Variants in MYO3A observed in about 807,000 individuals in gnomAD.
The protein encoded by MYO3A is myosin-IIIa.
MYO3A carries 180 observed loss-of-function variants against 192.7 expected under a neutral mutation model. The observed-to-expected ratio is 0.93, with a 90% CI of 0.83 to 1.06. MYO3A has a LOEUF of 1.06. MYO3A is among the 50% of genes least tolerant of loss of function. The pLI, the probability that MYO3A is intolerant of heterozygous loss-of-function variation, is 0.00. For synonymous variants in MYO3A, 628 were observed against 645.3 expected (o/e 0.97, Z 0.41); for missense variants, 1,896 against 1,905.0 (o/e 1.00, Z 0.09).
At chr10:25,939,727 CATATCCATTAA>C (rs1836351194) in intron 2 of MYO3A, among the ~76,000 whole-genome samples, 1 of 151,804 alleles carries the variant, frequency 6.6e-6, no homozygotes, top group Non-Finnish European at 1.5e-5. Context: ...TGTATTCTGG[CATATCCATTAA>C]ATTCTCCTTG....
intron 15 of MYO3A, among the ~76,000 whole-genome samples, chr10:26,092,125 A>G (rs1240519964): frequency 6.6e-6 from 1 of 152,240 alleles, no homozygotes; most frequent in Non-Finnish European, 1.5e-5. Context: ...GTGATTAAAA[A>G]GGAAAAACTG....
chr10:25,995,908 C>T (rs919613941), intron 4 of MYO3A, among the ~76,000 whole-genome samples: 5 of 152,212 alleles, frequency 3.3e-5, no homozygotes, highest in Non-Finnish European at 7.3e-5. Flanking sequence ...TGTCAGTCTG[C>T]CCCTACTGGG....
At position 26,026,420 on chromosome 10, in the gene MYO3A, C is replaced by A; in HGVS notation, c.841C>A (p.Leu281Ile). 1 of 1,614,110 alleles carries A rather than the reference C, an allele frequency of 6.2e-7. No individual in the cohort carries two copies. Among genetic ancestry groups the A allele is most frequent in the African/African-American group, 1.3e-5 (1 of 75,042 alleles). ...TGAAAAGCGTCCAACAGTGTCAGAA[C>A]TTTTACAGCATAAATTCATTACTCA... ...DYEKRPTVSE[L>I]LQHKFITQIE... The change falls in exon 10 of 35, where the codon CTT (leucine) becomes ATT (isoleucine). Residue 281 changes from leucine (L) to isoleucine (I), a missense_variant. By Grantham distance (5) the Leu-to-Ile change is conservative (BLOSUM62 2). Transcript: ENST00000642920.
intron 2 of MYO3A, among the ~76,000 whole-genome samples, chr10:25,936,444 G>T (rs1004499635): frequency 6.6e-6 from 1 of 151,886 alleles, no homozygotes. Flanking sequence ...TTCCAGCTGC[G>T]TTTTCTTTTT....
chr10:26,064,367 GT>G (rs776827114), intron 10 of MYO3A, among the ~76,000 whole-genome samples: 3 of 152,178 alleles, frequency 2.0e-5, no homozygotes, highest in Non-Finnish European at 4.4e-5. Flanking sequence ...AGCCAATGAG[GT>G]TGGAAAGAAT....
intron 10 of MYO3A, among the ~76,000 whole-genome samples, chr10:26,054,814 C>T (rs1844220525): frequency 6.6e-6 from 1 of 152,226 alleles, no homozygotes; most frequent in South Asian, 2.1e-4. Flanking sequence ...CCTAGAGTCT[C>T]CAGAAGGAAC....
intron 4 of MYO3A, among the ~76,000 whole-genome samples, chr10:25,983,117 A>G (rs903673717): frequency 1.3e-5 from 2 of 152,070 alleles, no homozygotes; most frequent in African/African-American, 4.8e-5. Flanking sequence ...AACAATCACA[A>G]CTTCTGGAAA....
intron 31 of MYO3A, among the ~76,000 whole-genome samples, chr10:26,189,923 C>T (rs71499383): frequency 0.025 from 3,756 of 152,056 alleles, 74 homozygotes; most frequent in Non-Finnish European, 0.039. Context: ...ATTATCTGGG[C>T]GCAGTGGCAA....
intron 10 of MYO3A, among the ~76,000 whole-genome samples, chr10:26,036,737 C>A (rs1843060785): frequency 6.6e-6 from 1 of 152,124 alleles, no homozygotes; most frequent in South Asian, 2.1e-4. Context: ...GTGGATCCAC[C>A]CATACTGTAG....
intron 17 of MYO3A, 72 bp downstream of exon 17, chr10:26,096,754 T>C: frequency 9.4e-7 from 1 of 1,063,626 alleles, no homozygotes; most frequent in Non-Finnish European, 1.5e-6. Context: ...GAGCATTTAT[T>C]GAGTGATTAA....
At chr10:26,157,167 AT>A in intron 25 of MYO3A, 142 bp from the exon 26 acceptor site, 1 of 730,434 alleles carries the variant, frequency 1.4e-6, no homozygotes, top group Non-Finnish European at 2.3e-6. Context: ...ATTAAAACAG[AT>A]TTTCCTCCAT....
At chr10:26,048,900 G>A (rs1843793439) in intron 10 of MYO3A, among the ~76,000 whole-genome samples, 1 of 152,172 alleles carries the variant, frequency 6.6e-6, no homozygotes, top group Non-Finnish European at 1.5e-5. Context: ...AAAGAAAAGT[G>A]AAAGAGGCCC....
At chr10:26,208,171 G>C (rs1469459007) in intron 34 of MYO3A, among the ~76,000 whole-genome samples, 8 of 152,120 alleles carry the variant, frequency 5.3e-5, no homozygotes, top group Non-Finnish European at 1.0e-4. Flanking sequence ...GCTGACATCT[G>C]CTTGTCTCCT....
chr10:26,134,442 G>GA (rs1163711195), intron 20 of MYO3A, among the ~76,000 whole-genome samples: 2 of 151,692 alleles, frequency 1.3e-5, no homozygotes, highest in Non-Finnish European at 2.9e-5. Flanking sequence ...TTCATAACAA[G>GA]AGTTCACGTT....
intron 4 of MYO3A, among the ~76,000 whole-genome samples, chr10:25,985,388 GAAACAAAC>G (rs142523210): frequency 2.0e-5 from 3 of 151,612 alleles, no homozygotes; most frequent in Admixed American, 6.6e-5. Context: ...AAATGGAATT[GAAACAAAC>G]AAACAAACAA....
chr10:25,957,123 G>T (rs543552647), intron 4 of MYO3A, among the ~76,000 whole-genome samples: 6 of 152,176 alleles, frequency 3.9e-5, no homozygotes, highest in African/African-American at 1.4e-4. Context: ...TCTTTATTCA[G>T]TCTGCCATTG....
At chr10:26,210,167 G>A (rs1198121565) in intron 34 of MYO3A, among the ~76,000 whole-genome samples, 2 of 151,398 alleles carry the variant, frequency 1.3e-5, no homozygotes, top group East Asian at 3.9e-4. Context: ...AGGAAGGAAG[G>A]GAGGGAGGGA....
At chr10:26,122,197 C>A (rs1330684191) in intron 18 of MYO3A, among the ~76,000 whole-genome samples, 1 of 152,032 alleles carries the variant, frequency 6.6e-6, no homozygotes, top group East Asian at 1.9e-4. Context: ...TAAGAGTATA[C>A]CTAGAAACAA....
At chr10:26,091,507 A>G (rs575692614) in intron 15 of MYO3A, among the ~76,000 whole-genome samples, 3 of 152,298 alleles carry the variant, frequency 2.0e-5, no homozygotes, top group South Asian at 4.1e-4. Flanking sequence ...CTGTTACTAC[A>G]GTTTAGTTCA....
Sources: allele counts gnomAD v4.1 joint callset (sites outside exome capture counted in the v4.1 genomes callset), GRCh38; gene constraint gnomAD v4.1.1; transcripts MANE v1.5; gene names NCBI Gene and HGNC (gene_info 2026-07-23, HGNC 2026-07-21).